Variants in RBFOX1 observed in about 807,000 individuals in gnomAD.
RBFOX1 encodes the protein RNA binding protein fox-1 homolog 1.
RBFOX1 carries 8 observed loss-of-function variants against 57.7 expected under a neutral mutation model. The observed-to-expected ratio is 0.14, with a 90% confidence interval of 0.08 to 0.25. RBFOX1 has a LOEUF of 0.25. Ranked by LOEUF, RBFOX1 falls within the 10% of genes least tolerant of loss-of-function variation. The pLI is 1.00. For missense variants in RBFOX1, 611 were observed against 548.5 expected, an observed-to-expected ratio of 1.11 and a Z score of -1.14; for synonymous variants, 326 against 222.4, an observed-to-expected ratio of 1.47 and a Z score of -4.15.
At chr16:6,355,288 C>T (rs570279695) in intron 2 of RBFOX1, among the ~76,000 whole-genome samples, 10 of 152,206 alleles carry the variant, frequency 6.6e-5, no homozygotes, top group African/African-American at 2.4e-4. Flanking sequence ...TCCCCCAGCC[C>T]CCCAGCCCCT....
intron 4 of RBFOX1, among the ~76,000 whole-genome samples, chr16:7,392,834 T>C (rs560240007): frequency 6.8e-6 from 1 of 146,718 alleles, no homozygotes; most frequent in African/African-American, 2.6e-5. Context: ...TCTTGGTTTT[T>C]TGTTGTTTTG....
chr16:7,325,792 C>G (rs1332142068), intron 4 of RBFOX1, among the ~76,000 whole-genome samples: 1 of 152,202 alleles, frequency 6.6e-6, no homozygotes, highest in Non-Finnish European at 1.5e-5. Context: ...CCATCCTCTC[C>G]TTCACTGGGA....
intron 14 of RBFOX1, among the ~76,000 whole-genome samples, chr16:7,708,822 G>GTCTGTATA (rs1555811523): frequency 3.9e-5 from 6 of 151,948 alleles, no homozygotes; most frequent in African/African-American, 7.3e-5. Context: ...ATGTAAGTAC[G>GTCTGTATA]TGTGTATATA....
chr16:5,960,994 C>T (rs922959457), intron 4 of RBFOX1, among the ~76,000 whole-genome samples: 4 of 152,118 alleles, frequency 2.6e-5, no homozygotes, highest in African/African-American at 9.7e-5. Context: ...GGGGAAAAAG[C>T]TACCTTCTCC....
chr16:7,020,996 C>A (rs1404854128), intron 3 of RBFOX1, among the ~76,000 whole-genome samples: 1 of 152,122 alleles, frequency 6.6e-6, no homozygotes, highest in Non-Finnish European at 1.5e-5. Flanking sequence ...GGCATAGTGG[C>A]AGGCATCTGT....
At chr16:6,969,379 T>C (rs1018498837) in intron 3 of RBFOX1, among the ~76,000 whole-genome samples, 3 of 151,882 alleles carry the variant, frequency 2.0e-5, no homozygotes, top group South Asian at 2.1e-4. Context: ...CTTAAAAATT[T>C]GGATATTTTG....
chr16:5,484,765 A>C (rs888194163), intron 2 of RBFOX1, among the ~76,000 whole-genome samples: 2 of 151,962 alleles, frequency 1.3e-5, no homozygotes, highest in African/African-American at 4.8e-5. Context: ...ACAAAAAATT[A>C]GCCAGGCGTG....
chr16:6,704,756 C>T (rs146298441), intron 3 of RBFOX1: 11 of 152,180 alleles, frequency 7.2e-5, no homozygotes, highest in Non-Finnish European at 1.3e-4. Flanking sequence ...CTTCTGCCAT[C>T]TGGTCTCGGA....
At chr16:6,389,795 A>T (rs1465356409) in intron 2 of RBFOX1, among the ~76,000 whole-genome samples, 1 of 152,232 alleles carries the variant, frequency 6.6e-6, no homozygotes, top group Non-Finnish European at 1.5e-5. Context: ...TGTACCCAGG[A>T]GAAATCAAGC....
intron 1 of RBFOX1, among the ~76,000 whole-genome samples, chr16:6,188,605 T>C (rs1418457041): frequency 6.6e-6 from 1 of 152,128 alleles, no homozygotes; most frequent in African/African-American, 2.4e-5. Context: ...TTCTGCTAAC[T>C]CCTTGTTTCC....
Position 6,771,841 on chromosome 16 carries a change from C to T in RBFOX1, c.-16+117191C>T, listed in dbSNP as rs559994540. On this transcript the variant is annotated intron_variant, in intron 3 of 15. Transcript: ENST00000550418. ...CCAAGACTGAGAGTTCCTGATGGGG[C>T]AGAAGATGCATTACTGTCAGGCTGT... Among the ~76,000 whole-genome samples, 5 of 152,230 alleles carry T rather than the reference C, an allele frequency of 3.3e-5. No individual in the cohort carries two copies. In the South Asian group the frequency reaches 1.0e-3, roughly 32 times the overall value.
chr16:6,130,873 G>A (rs1053624569), intron 1 of RBFOX1, among the ~76,000 whole-genome samples: 4 of 152,066 alleles, frequency 2.6e-5, no homozygotes, highest in Non-Finnish European at 5.9e-5. Context: ...AATACATCAA[G>A]CAGAAGTTGA....
chr16:7,406,764 G>C lies in RBFOX1; in HGVS notation c.28-111383G>C, dbSNP rs147943281. Among the ~76,000 whole-genome samples, 418 of 152,266 alleles carry C rather than the reference G, an allele frequency of 2.7e-3. 1 individual carries two copies. The highest frequency in any genetic ancestry group is 9.7e-3 in the African/African-American group (401 of 41,540). On this transcript the variant is annotated intron_variant, in intron 4 of 15. Coordinates refer to ENST00000550418, the MANE Select transcript of RBFOX1 (RefSeq NM_018723.4). ...AGAGTGACTCTCTTAGCGTTCCAGA[G>C]GCAAAAAGACTGAAGTAGGTCTTAC... is the stretch of plus-strand genomic sequence containing the variant.
chr16:7,481,869 T>C (rs1313387409), intron 4 of RBFOX1, among the ~76,000 whole-genome samples: 1 of 152,242 alleles, frequency 6.6e-6, no homozygotes, highest in African/African-American at 2.4e-5. Flanking sequence ...TGGCAAACCA[T>C]CTAACACAGA....
chr16:7,340,152 A>G (rs572581315), intron 4 of RBFOX1, among the ~76,000 whole-genome samples: 14 of 152,230 alleles, frequency 9.2e-5, no homozygotes, highest in Admixed American at 1.3e-4. Flanking sequence ...TGCATAGACT[A>G]TGAACGGAGG....
chr16:7,555,440 G>C (rs998097837), intron 5 of RBFOX1, among the ~76,000 whole-genome samples: 2 of 152,216 alleles, frequency 1.3e-5, no homozygotes, highest in Non-Finnish European at 2.9e-5. Context: ...TAAGATGTTA[G>C]TGTTAGAGGA....
chr16:7,146,064 C>T (rs1041593148), intron 4 of RBFOX1, among the ~76,000 whole-genome samples: 1 of 152,212 alleles, frequency 6.6e-6, no homozygotes, highest in African/African-American at 2.4e-5. Flanking sequence ...CTTCTTTTGA[C>T]TGTTCCAAAT....
At position 5,296,312 on chromosome 16, in the gene RBFOX1, C is replaced by T. The variant is rs558395594; in HGVS notation, c.219+56207C>T. On this transcript the variant is annotated intron_variant, in intron 1 of 2. Transcript: ENST00000585867. ...GCCTCTCATGACTTGGTCTCTTCCT[C>T]ATTTAGGATTCTTTGCTAGAACAGC... 5.3e-5 allele frequency among the ~76,000 whole-genome samples: 8 copies of T among 152,296 alleles called. No homozygotes were observed. The South Asian group carries it at 1.7e-3, about 32-fold the overall frequency.
intron 1 of RBFOX1, among the ~76,000 whole-genome samples, chr16:5,367,795 C>G (rs2065760465): frequency 6.6e-6 from 1 of 152,160 alleles, no homozygotes; most frequent in Non-Finnish European, 1.5e-5. Flanking sequence ...GGTCCCACAT[C>G]CAGAAAGTAA....
Sources: allele counts gnomAD v4.1 joint callset (sites outside exome capture counted in the v4.1 genomes callset), GRCh38; gene constraint gnomAD v4.1.1; transcripts MANE v1.5; gene names NCBI Gene and HGNC (gene_info 2026-07-23, HGNC 2026-07-21).